PJA2: variants seen among roughly 807,000 people sequenced by gnomAD.
PJA2 encodes praja ring finger ubiquitin ligase 2.
A neutral mutation model predicts 69.3 loss-of-function variants in PJA2; 25 were observed. The observed-to-expected ratio is 0.36, with a 90% CI of 0.26 to 0.50. The LOEUF (loss-of-function observed/expected upper bound fraction) is 0.50. PJA2 is among the 20% of genes least tolerant of loss of function. PJA2 has a pLI of 0.96. For synonymous variants in PJA2, 308 were observed against 277.8 expected (o/e 1.11, Z -1.08); for missense variants, 809 against 830.2 (o/e 0.97, Z 0.31).
rs377352681 is a variant in PJA2 at position 109,401,137 on chromosome 5, A to G, written c.-88+8705T>C. Among the ~76,000 whole-genome samples the G allele has an allele frequency of 1.6e-4, 24 of 152,286 alleles. No homozygotes were observed. In the East Asian group the frequency reaches 4.2e-3, roughly 27 times the overall value. On this transcript the variant is annotated intron_variant, in intron 1 of 9. Transcript: ENST00000361189. ...TGAAACCCTGTTAAATACAAAAATT[A>G]GCCAGACGTAGTGGCGGGAGCCTGT...
At chr5:109,408,148 G>T (rs1465502030) in intron 1 of PJA2, among the ~76,000 whole-genome samples, 1 of 152,268 alleles carries the variant, frequency 6.6e-6, no homozygotes, top group African/African-American at 2.4e-5. Context: ...CATAGAGGAA[G>T]TTTACTGAAT....
chr5:109,350,106 C>A (rs992758690), intron 7 of PJA2, among the ~76,000 whole-genome samples: 1 of 152,086 alleles, frequency 6.6e-6, no homozygotes, highest in African/African-American at 2.4e-5. Context: ...TCAATGGGTT[C>A]ATTATCTCTT....
At chr5:109,365,688 A>T (rs1021099850) in intron 5 of PJA2, among the ~76,000 whole-genome samples, 1 of 152,188 alleles carries the variant, frequency 6.6e-6, no homozygotes, top group Non-Finnish European at 1.5e-5. Flanking sequence ...ATATTTCCAA[A>T]GCACTCAAAC....
chr5:109,340,851 G>A lies in PJA2; in HGVS notation c.2001+3339C>T, dbSNP rs543068077. Among the ~76,000 whole-genome samples, 633 of 101,324 alleles carry A rather than the reference G, an allele frequency of 6.2e-3. 34 individuals are homozygous for A. Among genetic ancestry groups the A allele is most frequent in the African/African-American group, 0.019 (606 of 32,180 alleles). The allele number at this position is 101,324 out of a possible 152,430, so 66.5% of individuals were successfully genotyped here. A position where few individuals can be genotyped will look rare whatever the true frequency, so the allele number is the denominator to read the frequency against. ...GAGATGGGGTTTCGCTGTGTTGGCC[G>A]GGCCGGTCTCCAGCCCCTAACCGCG... On this transcript the variant is annotated intron_variant, in intron 9 of 9. Transcript: ENST00000361189.
intron 6 of PJA2, among the ~76,000 whole-genome samples, chr5:109,361,536 C>T (rs893326405): frequency 6.6e-6 from 1 of 152,136 alleles, no homozygotes; most frequent in Non-Finnish European, 1.5e-5. Flanking sequence ...CTGCTGAACA[C>T]TTTGAGGAAT....
At chr5:109,389,142 CAAGAT>C (rs1253898280) in intron 1 of PJA2, among the ~76,000 whole-genome samples, 1 of 152,104 alleles carries the variant, frequency 6.6e-6, no homozygotes, top group Non-Finnish European at 1.5e-5. Context: ...GTTTTCCTAT[CAAGAT>C]TATACTAAAG....
chr5:109,395,609 T>C (rs984796996), intron 1 of PJA2, among the ~76,000 whole-genome samples: 2 of 152,040 alleles, frequency 1.3e-5, no homozygotes, highest in Non-Finnish European at 2.9e-5. Context: ...AATATACAAA[T>C]AGATAATTCC....
At position 109,362,951 on chromosome 5, in the gene PJA2, T is replaced by A; in HGVS notation, c.1541A>T (p.Asp514Val). 1 of 1,613,906 alleles carries A rather than the reference T, an allele frequency of 6.2e-7. No individual in the cohort carries two copies. Among genetic ancestry groups the A allele is most frequent in the Non-Finnish European group, 8.5e-7 (1 of 1,179,840 alleles). ...QYNEVNESSS[D>V]EGNEPANEFA... ...TTCATTGGCAGGTTCATTTCCCTCA[T>A]CACTGCTGCTTTCATTGACTTCATT... The change falls in exon 6 of 10, where the codon GAT (aspartate) becomes GTT (valine). Residue 514 changes from aspartate (D) to valine (V), a missense_variant. Transcript: ENST00000361189.
chr5:109,406,106 C>A (rs1043792652), intron 1 of PJA2, among the ~76,000 whole-genome samples: 1 of 147,838 alleles, frequency 6.8e-6, no homozygotes, highest in African/African-American at 2.5e-5. Context: ...TGCAGTGGCA[C>A]GATCTTGGCT....
chr5:109,399,409 C>T (rs1747489524), intron 1 of PJA2, among the ~76,000 whole-genome samples: 1 of 152,130 alleles, frequency 6.6e-6, no homozygotes, highest in Non-Finnish European at 1.5e-5. Flanking sequence ...GGGATAATGA[C>T]AGTGTGTGGA....
intron 4 of PJA2, among the ~76,000 whole-genome samples, chr5:109,372,923 A>AAAAAAAAAAAAG (rs1272538036): frequency 8.0e-5 from 11 of 136,868 alleles, no homozygotes; most frequent in South Asian, 2.4e-4. Context: ...AAAAAAAAAA[A>AAAAAAAAAAAAG]AAAGAAAGAA....
intron 6 of PJA2, among the ~76,000 whole-genome samples, chr5:109,361,976 T>A: frequency 1.3e-5 from 2 of 152,234 alleles, no homozygotes; most frequent in East Asian, 3.8e-4. Context: ...AAAACATATG[T>A]TCTGGAAACC....
At chr5:109,356,939 C>G (rs1490443793) in intron 6 of PJA2, among the ~76,000 whole-genome samples, 1 of 152,084 alleles carries the variant, frequency 6.6e-6, no homozygotes, top group Non-Finnish European at 1.5e-5. Context: ...TATCGAGATT[C>G]CTCCTTTTCC....
chr5:109,376,394 G>A (rs1746889124), intron 4 of PJA2, among the ~76,000 whole-genome samples: 2 of 151,570 alleles, frequency 1.3e-5, no homozygotes, highest in Non-Finnish European at 2.9e-5. Flanking sequence ...TCAAGGCAAA[G>A]AATACACTTC....
At chr5:109,356,139 G>C (rs1223528330) in intron 6 of PJA2, 113 bp from the exon 7 acceptor site, 2 of 694,020 alleles carry the variant, frequency 2.9e-6, no homozygotes, top group Non-Finnish European at 2.4e-6. Context: ...GCTGTGAACA[G>C]AAGACCTTAA....
At chr5:109,395,854 G>C (rs528527371) in intron 1 of PJA2, among the ~76,000 whole-genome samples, 2 of 152,044 alleles carry the variant, frequency 1.3e-5, no homozygotes, top group South Asian at 4.1e-4. Context: ...CAAAAAATTA[G>C]CTGGGTGTGG....
At chr5:109,400,313 G>A (rs961581333) in intron 1 of PJA2, among the ~76,000 whole-genome samples, 5 of 150,398 alleles carry the variant, frequency 3.3e-5, no homozygotes, top group Non-Finnish European at 7.4e-5. Flanking sequence ...AAAAAGATAA[G>A]TCAAAAGAAA....
chr5:109,395,425 G>A (rs1747384890), intron 1 of PJA2, among the ~76,000 whole-genome samples: 1 of 152,064 alleles, frequency 6.6e-6, no homozygotes, highest in Non-Finnish European at 1.5e-5. Context: ...CTACATGCGA[G>A]GCTGAGGTGG....
intron 7 of PJA2, among the ~76,000 whole-genome samples, chr5:109,346,631 T>C (rs528363009): frequency 1.3e-5 from 2 of 152,316 alleles, no homozygotes; most frequent in South Asian, 4.1e-4. Flanking sequence ...CTTGAAGACA[T>C]TATGCTAAAT....
Sources: gnomAD v4.1 joint callset for allele counts (sites outside exome capture counted in the v4.1 genomes callset) on GRCh38, gnomAD v4.1.1 for gene constraint, MANE v1.5 for transcripts, NCBI Gene and HGNC (gene_info 2026-07-23, HGNC 2026-07-21) for gene names.